Variants in SUGCT observed in about 807,000 individuals in gnomAD.
SUGCT encodes the protein succinyl-CoA:glutarate CoA-transferase.
A neutral mutation model predicts 55.0 loss-of-function variants in SUGCT; 41 were observed. That is an observed-to-expected ratio of 0.74 (90% confidence interval 0.58 to 0.97). SUGCT has a LOEUF of 0.97. Among genes scored for constraint, SUGCT ranks in the 50% least tolerant of loss-of-function variants. The probability of loss-of-function intolerance (pLI) is 0.00; values close to 1 mark genes in which losing one functional copy is unlikely to be tolerated. For synonymous variants in SUGCT, 187 were observed against 200.4 expected (o/e 0.93, Z 0.56); for missense variants, 568 against 547.8 (o/e 1.04, Z -0.37).
chr7:40,240,019 G>A lies in SUGCT; in HGVS notation c.576+2293G>A, dbSNP rs536576810. Among the ~76,000 whole-genome samples, 10 of 152,198 alleles carry A rather than the reference G, an allele frequency of 6.6e-5. No individual in the cohort carries two copies. The South Asian group carries it at 1.7e-3, about 25-fold the overall frequency. Reference sequence around the variant, plus strand: ...TATCTTCCTATAGCTGTTAAGTAGGGAAAACAAACATTAGCAGAAAATATT... The same window carrying A: ...TATCTTCCTATAGCTGTTAAGTAGGAAAAACAAACATTAGCAGAAAATATT... On this transcript the variant is annotated intron_variant, in intron 7 of 13. Transcript: ENST00000335693.
intron 6 of SUGCT, among the ~76,000 whole-genome samples, chr7:40,220,244 C>G (rs768175215): frequency 6.6e-6 from 1 of 152,180 alleles, no homozygotes; most frequent in Non-Finnish European, 1.5e-5. Flanking sequence ...GTATGGCTGT[C>G]TGCTGCCATG....
At chr7:40,649,224 A>C (rs778741497) in intron 12 of SUGCT, among the ~76,000 whole-genome samples, 28 of 152,158 alleles carry the variant, frequency 1.8e-4, no homozygotes, top group Non-Finnish European at 2.8e-4. Context: ...GTCAGAATTA[A>C]GATTCAAACA....
chr7:40,450,300 G>C (rs1036097617), intron 10 of SUGCT, among the ~76,000 whole-genome samples: 1 of 151,734 alleles, frequency 6.6e-6, no homozygotes, highest in Non-Finnish European at 1.5e-5. Flanking sequence ...TTTAATTTTA[G>C]AACTTAGGTA....
intron 9 of SUGCT, among the ~76,000 whole-genome samples, chr7:40,375,170 G>A (rs1031405672): frequency 6.6e-6 from 1 of 152,200 alleles, no homozygotes; most frequent in South Asian, 2.1e-4. Flanking sequence ...GGTAAGTGAG[G>A]AAATGTCCTG....
chr7:40,309,880 C>T (rs1289066734), intron 8 of SUGCT, among the ~76,000 whole-genome samples: 1 of 68,484 alleles, frequency 1.5e-5, no homozygotes, highest in East Asian at 4.0e-4. Context: ...TGAATTATAA[C>T]CAAAAAAGTA....
chr7:40,781,880 G>A (rs1789768149), intron 13 of SUGCT, among the ~76,000 whole-genome samples: 1 of 151,930 alleles, frequency 6.6e-6, no homozygotes, highest in African/African-American at 2.4e-5. Flanking sequence ...AAATTCAACT[G>A]TTAGATTGTT....
At chr7:41,029,749 T>G in the SUGCT span, among the ~76,000 whole-genome samples, 1 of 152,208 alleles carries the variant, frequency 6.6e-6, no homozygotes, top group Non-Finnish European at 1.5e-5. Flanking sequence ...CCAATATTAT[T>G]ACACTATTAT....
intron 9 of SUGCT, among the ~76,000 whole-genome samples, chr7:40,358,057 A>G (rs17437927): frequency 0.013 from 1,969 of 152,356 alleles, 26 homozygotes; most frequent in Middle Eastern, 0.048. Flanking sequence ...TAGATGCCCA[A>G]TAAGTAGTTT....
chr7:40,454,395 A>G (rs1789359039), intron 10 of SUGCT, among the ~76,000 whole-genome samples: 1 of 152,236 alleles, frequency 6.6e-6, no homozygotes, highest in South Asian at 2.1e-4. Context: ...GAACAGGTGT[A>G]TGTCCTGAGA....
rs149976978 is a variant in SUGCT, at chr7:40,486,141, G to A, written c.987-10143G>A. Among the ~76,000 whole-genome samples, 137 of 152,178 alleles carry A rather than the reference G, an allele frequency of 9.0e-4. 1 individual carries two copies. Among genetic ancestry groups the A allele is most frequent in the Admixed American group, 4.3e-3 (65 of 15,268 alleles). On this transcript the variant is annotated intron_variant, in intron 11 of 13. Coordinates refer to ENST00000335693, the MANE Select transcript of SUGCT (RefSeq NM_001193313.2). ...TTCAGCTGTGAAACCATCAGGTCCT[G>A]GGCTCTTCTTTGATGGCAGACTTTT...
chr7:40,163,510 C>T (rs995858391), intron 1 of SUGCT, among the ~76,000 whole-genome samples: 2 of 150,868 alleles, frequency 1.3e-5, no homozygotes, highest in African/African-American at 4.9e-5. Context: ...GAGGCTGAGG[C>T]AGGAGAAACA....
rs138959544 is a variant in SUGCT, at chr7:40,799,496, G to T, written c.1153+49999G>T. Among the ~76,000 whole-genome samples the T allele has an allele frequency of 3.4e-3, 520 of 152,188 alleles. 2 individuals carry two copies. Among genetic ancestry groups the T allele is most frequent in the African/African-American group, 0.012 (491 of 41,514 alleles). On this transcript the variant is annotated intron_variant, in intron 13 of 13. Transcript: ENST00000335693. ...GAGGCAGAGTAAAAGGATAGACAAGGGTTGGTTGATGGTTGACATGTGAAA... is the reference window on the plus strand; with the variant it reads ...GAGGCAGAGTAAAAGGATAGACAAGTGTTGGTTGATGGTTGACATGTGAAA...
chr7:40,214,686 G>T (rs1243255768), intron 6 of SUGCT, among the ~76,000 whole-genome samples: 1 of 152,046 alleles, frequency 6.6e-6, no homozygotes, highest in African/African-American at 2.4e-5. Context: ...GAGGCTTGGG[G>T]GTGGGGGTCA....
chr7:40,477,612 C>T (rs1790775507), intron 11 of SUGCT, among the ~76,000 whole-genome samples: 1 of 152,146 alleles, frequency 6.6e-6, no homozygotes, highest in Non-Finnish European at 1.5e-5. Flanking sequence ...AAATAATGTT[C>T]CCATTCCTAA....
At chr7:40,904,988 A>G in the SUGCT span, among the ~76,000 whole-genome samples, 1 of 152,182 alleles carries the variant, frequency 6.6e-6, no homozygotes, top group Non-Finnish European at 1.5e-5. Flanking sequence ...TTAGTGTGGT[A>G]AATAGTTTCA....
intron 12 of SUGCT, among the ~76,000 whole-genome samples, chr7:40,631,792 A>G (rs573347756): frequency 1.1e-4 from 16 of 152,334 alleles, no homozygotes; most frequent in Non-Finnish European, 1.6e-4. Context: ...CTCATAGGAC[A>G]TAGCTAGAAG....
At chr7:40,253,590 C>G (rs914110874) in intron 7 of SUGCT, among the ~76,000 whole-genome samples, 1 of 151,452 alleles carries the variant, frequency 6.6e-6, no homozygotes, top group African/African-American at 2.4e-5. Context: ...TGAGGCGGAG[C>G]CTCGCTCTGT....
At position 40,859,985 on chromosome 7, in the gene SUGCT, A is replaced by G. The variant is rs555764972; in HGVS notation, c.1154-331A>G. 1.3e-5 allele frequency among the ~76,000 whole-genome samples: 2 copies of G among 152,260 alleles called. 1 individual carries two copies. Among genetic ancestry groups the G allele is most frequent in the South Asian group, 4.1e-4 (2 of 4,828 alleles). On this transcript the variant is annotated intron_variant, in intron 13 of 13. Coordinates refer to ENST00000335693, the MANE Select transcript of SUGCT (RefSeq NM_001193313.2). Reference sequence around the variant, plus strand: ...CTGTGGTCACTGTTCTTTCCTACCTAGAGTTCACTCAGTTGAGTGCCCTAC... The same window carrying G: ...CTGTGGTCACTGTTCTTTCCTACCTGGAGTTCACTCAGTTGAGTGCCCTAC...
chr7:40,997,049 C>T, the SUGCT span, among the ~76,000 whole-genome samples: 2 of 152,148 alleles, frequency 1.3e-5, no homozygotes, highest in Admixed American at 1.3e-4. Context: ...GCTGAGCCTG[C>T]CCCAAGCCAC....
Sources: gnomAD v4.1 joint callset for allele counts (sites outside exome capture counted in the v4.1 genomes callset) on GRCh38, gnomAD v4.1.1 for gene constraint, MANE v1.5 for transcripts, NCBI Gene and HGNC (gene_info 2026-07-23, HGNC 2026-07-21) for gene names.